Variants in STK32C observed in about 807,000 individuals in gnomAD.
STK32C encodes serine/threonine kinase 32C, also known as serine/threonine-protein kinase 32C.
In STK32C, 31 loss-of-function variants were observed where a neutral mutation model predicts 56.5. The observed-to-expected ratio is 0.55, with a 90% CI of 0.41 to 0.74. The LOEUF is 0.74. STK32C is among the 30% of genes least tolerant of loss of function. STK32C has a pLI of 0.00. For synonymous variants in STK32C, 309 were observed against 289.4 expected (o/e 1.07, Z -0.69); for missense variants, 544 against 676.9 (o/e 0.80, Z 2.18).
intron 2 of STK32C, among the ~76,000 whole-genome samples, chr10:132,229,216 C>T (rs1029039692): frequency 1.2e-4 from 19 of 152,218 alleles, no homozygotes; most frequent in African/African-American, 4.3e-4. Context: ...AATCCAGACC[C>T]GTTTCCAAGG....
At chr10:132,274,919 C>G (rs1238036486) in intron 1 of STK32C, among the ~76,000 whole-genome samples, 1 of 152,220 alleles carries the variant, frequency 6.6e-6, no homozygotes, top group Non-Finnish European at 1.5e-5. Context: ...CTTCCACTCC[C>G]TGGAGGGTGC....
In STK32C at chr10:132,240,587, G is replaced by A. The variant is rs553554956; in HGVS notation, c.318+5313C>T. 9.2e-5 allele frequency among the ~76,000 whole-genome samples: 14 copies of A among 152,324 alleles called. No homozygotes were observed. The South Asian group carries it at 2.9e-3, about 32-fold the overall frequency. Reference sequence around the variant, plus strand: ...ATCTGAGATGTGGGGTCACTGCAAGGACAGGCGGTTCCTCGGGGTGGGTGG... The same window carrying A: ...ATCTGAGATGTGGGGTCACTGCAAGAACAGGCGGTTCCTCGGGGTGGGTGG... On this transcript the variant is annotated intron_variant, in intron 2 of 11. Transcript: ENST00000298630.
chr10:132,228,954 C>T (rs1033184759), intron 2 of STK32C, among the ~76,000 whole-genome samples: 17 of 152,238 alleles, frequency 1.1e-4, no homozygotes, highest in African/African-American at 4.1e-4. Flanking sequence ...GGCCTGTACC[C>T]TCTGAGCATG....
rs1360298844 is a variant in STK32C, at chr10:132,223,079, TCC to T, written c.994-95_994-94del. On this transcript the variant is annotated intron_variant, in intron 8 of 11. Transcript: ENST00000298630. ...CCAGGCCAGGGCACCTTGAGGAGGG[TCC>T]CACCAAGCCTGAGGTTCAGAATTCA... 18 of 1,465,096 alleles carry T rather than the reference TCC, an allele frequency of 1.2e-5. No homozygotes were observed. In the African/African-American group the frequency reaches 2.5e-4, roughly 21 times the overall value. The allele number at this position is 1,465,096 out of a possible 1,614,324, so 90.8% of individuals were successfully genotyped here.
chr10:132,267,340 C>T (rs983625838), intron 1 of STK32C, among the ~76,000 whole-genome samples: 20 of 152,154 alleles, frequency 1.3e-4, no homozygotes, highest in South Asian at 2.1e-4. Context: ...CCTATGTGTG[C>T]GTGTGCCTGT....
chr10:132,230,420 CA>C (rs891181811), intron 2 of STK32C, among the ~76,000 whole-genome samples: 20 of 152,344 alleles, frequency 1.3e-4, no homozygotes, highest in African/African-American at 4.8e-4. Flanking sequence ...CCTCACTCTG[CA>C]CAGGCGCAGA....
intron 1 of STK32C, chr10:132,324,456 G>T (rs2066461370): frequency 1.5e-6 from 1 of 682,840 alleles, no homozygotes. Flanking sequence ...TTGTCACATT[G>T]TATGATGATT....
At chr10:132,244,639 T>C (rs1000399398) in intron 2 of STK32C, among the ~76,000 whole-genome samples, 10 of 152,158 alleles carry the variant, frequency 6.6e-5, no homozygotes, top group African/African-American at 2.2e-4. Context: ...GAACCTGATT[T>C]CTGGATGCCT....
chr10:132,330,350 T>C lies in STK32C; in HGVS notation c.301+1086A>G, dbSNP rs190619910. The C allele has an allele frequency of 3.1e-3, 2,092 of 682,092 alleles. 13 individuals are homozygous for C. The highest frequency in any genetic ancestry group is 0.01 in the South Asian group (674 of 64,886). 42.3% of individuals were successfully genotyped at this position (682,092 alleles called of 1,614,324 possible). A position where few individuals can be genotyped will look rare whatever the true frequency, so the allele number is the denominator to read the frequency against. Reference sequence around the variant, plus strand: ...CTGGAATGCTGAAACTTGTTAGAAATAGCATCGTGCTGAAATCTTCCATCC... The same window carrying C: ...CTGGAATGCTGAAACTTGTTAGAAACAGCATCGTGCTGAAATCTTCCATCC... On this transcript the variant is annotated intron_variant, in intron 1 of 1. Coordinates refer to the STK32C transcript ENST00000368619.
At chr10:132,304,560 AAG>A (rs1000364500) in intron 1 of STK32C, among the ~76,000 whole-genome samples, 2 of 152,204 alleles carry the variant, frequency 1.3e-5, no homozygotes, top group African/African-American at 2.4e-5. Flanking sequence ...TCTGCTAACA[AAG>A]AGAGAGTGTT....
At chr10:132,230,231 G>A (rs1315733725) in intron 2 of STK32C, among the ~76,000 whole-genome samples, 1 of 152,236 alleles carries the variant, frequency 6.6e-6, no homozygotes, top group Non-Finnish European at 1.5e-5. Context: ...GCCAGTTGAG[G>A]GTTTCAGAAT....
chr10:132,208,984 C>T, intron 11 of STK32C, 50 bp downstream of exon 11: 1 of 1,575,798 alleles, frequency 6.3e-7, no homozygotes, highest in Non-Finnish European at 8.7e-7. Context: ...AACCTTAGCC[C>T]CATTTTCCTC....
rs1021732411 is a variant in STK32C, at chr10:132,286,581, G to A, written c.262+20991C>T. ...AACACATAAAAACAAATCTAGAAAT[G>A]AAAGGTTGGTATAATATTCAAAAGT... On this transcript the variant is annotated intron_variant, in intron 1 of 11. Coordinates refer to ENST00000298630, the MANE Select transcript of STK32C (RefSeq NM_173575.4). Among the ~76,000 whole-genome samples the A allele has an allele frequency of 3.3e-5, 5 of 152,080 alleles. No homozygotes were observed. In the East Asian group the frequency reaches 9.6e-4, roughly 29 times the overall value.
At chr10:132,238,659 C>T (rs908592166) in intron 2 of STK32C, among the ~76,000 whole-genome samples, 1 of 152,052 alleles carries the variant, frequency 6.6e-6, no homozygotes, top group Non-Finnish European at 1.5e-5. Flanking sequence ...TGAAAGGCAA[C>T]CAAAGGCAAG....
intron 1 of STK32C, among the ~76,000 whole-genome samples, chr10:132,267,653 T>A (rs2064604063): frequency 7.2e-6 from 1 of 137,954 alleles, no homozygotes; most frequent in Admixed American, 7.1e-5. Flanking sequence ...ATGTCCCACA[T>A]CATGTGTGTG....
chr10:132,210,962 A>G (rs1163761635), intron 10 of STK32C, among the ~76,000 whole-genome samples: 1 of 152,174 alleles, frequency 6.6e-6, no homozygotes, highest in Non-Finnish European at 1.5e-5. Flanking sequence ...CCACACGTAC[A>G]CGGTGTGAGC....
At chr10:132,213,253 G>A (rs924708174) in intron 10 of STK32C, among the ~76,000 whole-genome samples, 8 of 152,342 alleles carry the variant, frequency 5.3e-5, no homozygotes, top group African/African-American at 1.9e-4. Context: ...AAGGGGAGGG[G>A]AAAAGCAGAT....
At chr10:132,223,432 T>A (rs143374960) in intron 8 of STK32C, among the ~76,000 whole-genome samples, 96 of 152,246 alleles carry the variant, frequency 6.3e-4, no homozygotes, top group African/African-American at 2.2e-3. Flanking sequence ...GGAAGCAACA[T>A]CCCAGCGCTG....
At chr10:132,232,925 A>T (rs2063151024) in intron 2 of STK32C, among the ~76,000 whole-genome samples, 1 of 152,228 alleles carries the variant, frequency 6.6e-6, no homozygotes, top group African/African-American at 2.4e-5. Context: ...GGCAGATTTA[A>T]GTGATTCACC....
Sources: gnomAD v4.1 joint callset for allele counts (sites outside exome capture counted in the v4.1 genomes callset) on GRCh38, gnomAD v4.1.1 for gene constraint, MANE v1.5 for transcripts, NCBI Gene and HGNC (gene_info 2026-07-23, HGNC 2026-07-21) for gene names.